Variants in DDI2 observed in about 807,000 individuals in gnomAD.
DDI2 encodes DDI proteasomal shuttling factor 2.
A neutral mutation model predicts 48.1 loss-of-function variants in DDI2; 5 were observed. The observed-to-expected ratio is 0.10, with a 90% confidence interval of 0.05 to 0.22. The LOEUF (loss-of-function observed/expected upper bound fraction) is 0.22. Ranked by LOEUF, DDI2 falls within the 10% of genes least tolerant of loss-of-function variation. The pLI is 1.00. For synonymous variants in DDI2, 205 were observed against 183.6 expected (o/e 1.12, Z -0.94); for missense variants, 285 against 506.2 (o/e 0.56, Z 4.19).
Position 15,617,870 on chromosome 1 carries a change from C to G in DDI2, c.138+62C>G, listed in dbSNP as rs924586212. On this transcript the variant is annotated intron_variant, in intron 1 of 9. Transcript: ENST00000480945. Reference sequence around the variant, plus strand: ...AAGCCCTCCCCGCCTCGGGGCCTCACTCCCTCCCTTTGCTACTGGTGAAGA... The same window carrying G: ...AAGCCCTCCCCGCCTCGGGGCCTCAGTCCCTCCCTTTGCTACTGGTGAAGA... 2.0e-5 allele frequency: 29 copies of G among 1,458,246 alleles called. No individual in the cohort carries two copies. The Admixed American group carries it at 6.4e-4, about 32-fold the overall frequency. 90.3% of individuals were successfully genotyped at this position (1,458,246 alleles called of 1,614,324 possible).
At chr1:15,651,095 C>T (rs567917237) in intron 7 of DDI2, among the ~76,000 whole-genome samples, 130 of 152,102 alleles carry the variant, frequency 8.5e-4, no homozygotes, top group African/African-American at 3.0e-3. Flanking sequence ...CCTCGTGATC[C>T]GCCCGCCTCA....
At position 15,617,478 on chromosome 1, in the gene DDI2, G is replaced by A. The variant is rs915422718; in HGVS notation, c.-193G>A. ...CAGGCAGACGGACTCGCAGGCGTGTGGCGGCGGCCGTGCTTGCTAGTGAGG... is the reference window on the plus strand; with the variant it reads ...CAGGCAGACGGACTCGCAGGCGTGTAGCGGCGGCCGTGCTTGCTAGTGAGG... On this transcript the variant is annotated 5_prime_UTR_variant, in exon 1 of 10. Transcript: ENST00000480945. The A allele has an allele frequency of 8.3e-5, 30 of 361,018 alleles. No individual in the cohort carries two copies. The highest frequency in any genetic ancestry group is 6.0e-4 in the African/African-American group (28 of 46,986). 22.4% of individuals were successfully genotyped at this position (361,018 alleles called of 1,614,324 possible).
At position 15,656,692 on chromosome 1, in the gene DDI2, A is replaced by G. The variant is rs1640278203; in HGVS notation, c.*46+13A>G. 1 of 1,613,846 alleles carries G rather than the reference A, an allele frequency of 6.2e-7. No individual in the cohort carries two copies. The highest frequency in any genetic ancestry group is 1.3e-5 in the African/African-American group (1 of 74,906). On this transcript the variant is annotated intron_variant, in intron 9 of 9. Coordinates refer to ENST00000480945, the MANE Select transcript of DDI2 (RefSeq NM_032341.5). ...GGCCCCAGACCAGGTATTTATAGAC[A>G]CCATGTTAAGCCTTCCATCCAGTTG...
intron 1 of DDI2, among the ~76,000 whole-genome samples, chr1:15,622,415 C>G (rs181446164): frequency 6.6e-6 from 1 of 152,274 alleles, no homozygotes; most frequent in East Asian, 1.9e-4. Context: ...CACCTGACCT[C>G]ATGCTTAAAA....
At chr1:15,640,562 C>A (rs561989485) in intron 5 of DDI2, among the ~76,000 whole-genome samples, 1 of 152,280 alleles carries the variant, frequency 6.6e-6, no homozygotes, top group South Asian at 2.1e-4. Flanking sequence ...CTCACTCTGA[C>A]CGAGGTGCTC....
intron 2 of DDI2, 64 bp downstream of exon 2, chr1:15,626,862 C>G: frequency 6.2e-7 from 1 of 1,601,932 alleles, no homozygotes; most frequent in Non-Finnish European, 8.5e-7. Flanking sequence ...AGCATAGCAC[C>G]TCAGAGTTTT....
intron 5 of DDI2, among the ~76,000 whole-genome samples, chr1:15,638,950 G>A (rs1223459826): frequency 6.6e-6 from 1 of 152,052 alleles, no homozygotes; most frequent in Non-Finnish European, 1.5e-5. Context: ...CCCTTATCTA[G>A]CATCCTGAAT....
In DDI2 at chr1:15,617,736, C is replaced by T. The variant is rs2103457153; in HGVS notation, c.66C>T (p.Asp22=). 6.2e-7 allele frequency: 1 copy of T among 1,610,680 alleles called. No individual in the cohort carries two copies. Among genetic ancestry groups the T allele is most frequent in the Non-Finnish European group, 8.5e-7 (1 of 1,178,870 alleles). ...AGGTGACCTTTTCCCTCCAGGTCGACGCCGACTTCGAGCTGCACAACTTCC... is the reference window on the plus strand; with the variant it reads ...AGGTGACCTTTTCCCTCCAGGTCGATGCCGACTTCGAGCTGCACAACTTCC... ...LSEVTFSLQV[D]ADFELHNFRA... The change falls in exon 1 of 10, where the codon GAC becomes GAT. Residue 22 remains aspartate (D), a synonymous_variant. Coordinates refer to ENST00000480945, the MANE Select transcript of DDI2 (RefSeq NM_032341.5).
At chr1:15,636,051 ATGAC>A (rs1457379042) in intron 4 of DDI2, among the ~76,000 whole-genome samples, 1 of 152,226 alleles carries the variant, frequency 6.6e-6, no homozygotes, top group Non-Finnish European at 1.5e-5. Flanking sequence ...TTGTTGCAAA[ATGAC>A]TGATAAAGCT....
Position 15,665,701 on chromosome 1 carries a change from G to T in DDI2, c.*5911G>T, listed in dbSNP as rs1478344787. 6.6e-6 allele frequency: 1 copy of T among 151,994 alleles called. No individual in the cohort carries two copies. The highest frequency in any genetic ancestry group is 1.5e-5 in the Non-Finnish European group (1 of 68,018). 9.4% of individuals were successfully genotyped at this position (151,994 alleles called of 1,614,324 possible). A position where few individuals can be genotyped will look rare whatever the true frequency, so the allele number is the denominator to read the frequency against. On this transcript the variant is annotated 3_prime_UTR_variant, in exon 10 of 10. Coordinates refer to ENST00000480945, the MANE Select transcript of DDI2 (RefSeq NM_032341.5). ...ACAGACGTACTCTTCACTTATGGTG[G>T]CTTTTATCCCGCCACATATATAAAT...
intron 2 of DDI2, 143 bp from the exon 3 acceptor site, chr1:15,630,182 C>T (rs1639820361): frequency 2.7e-6 from 2 of 754,580 alleles, no homozygotes; most frequent in East Asian, 2.5e-5. Context: ...TATTCAGAGT[C>T]ATCATGAGAA....
chr1:15,661,280 G>T lies in DDI2; in HGVS notation c.*1490G>T, dbSNP rs138904592. The stretch of plus-strand genomic sequence containing the variant: ...TCTAGGGAATCCATAAATAAGAACC[G>T]TTCTGTCACTGTAACCTCAGCTAAA... On this transcript the variant is annotated 3_prime_UTR_variant, in exon 10 of 10. Coordinates refer to ENST00000480945, the MANE Select transcript of DDI2 (RefSeq NM_032341.5). The T allele has an allele frequency of 6.8e-6, 11 of 1,614,072 alleles. No homozygotes were observed. The highest frequency in any genetic ancestry group is 9.3e-6 in the Non-Finnish European group (11 of 1,180,012).
chr1:15,634,776 C>T (rs753649549), intron 4 of DDI2, among the ~76,000 whole-genome samples: 2 of 152,122 alleles, frequency 1.3e-5, no homozygotes, highest in East Asian at 1.9e-4. Flanking sequence ...ACGCAATCCA[C>T]GCGCCTCAGC....
intron 6 of DDI2, among the ~76,000 whole-genome samples, chr1:15,647,054 C>T (rs1051023281): frequency 6.6e-6 from 1 of 152,022 alleles, no homozygotes; most frequent in African/African-American, 2.4e-5. Flanking sequence ...CCCAATGTCA[C>T]CATGAATTTC....
intron 1 of DDI2, among the ~76,000 whole-genome samples, chr1:15,623,387 C>CTTTTTTT (rs777821777): frequency 1.0e-4 from 11 of 107,480 alleles, no homozygotes; most frequent in South Asian, 3.2e-4. Flanking sequence ...TTTTCTTCTT[C>CTTTTTTT]TTTTTTTTTT....
In DDI2 at chr1:15,668,216, T is replaced by A. The variant is rs1226699217; in HGVS notation, c.*8426T>A. The A allele has an allele frequency of 6.6e-6, 1 of 152,202 alleles. No homozygotes were observed. Among genetic ancestry groups the A allele is most frequent in the Non-Finnish European group, 1.5e-5 (1 of 68,046 alleles). 9.4% of individuals were successfully genotyped at this position (152,202 alleles called of 1,614,324 possible). A position where few individuals can be genotyped will look rare whatever the true frequency, so the allele number is the denominator to read the frequency against. The stretch of plus-strand genomic sequence containing the variant: ...GAATGTGTCTATGGCCTAAAAATGG[T>A]AGACCTGTATTTCCTTCCCGAGGCA... On this transcript the variant is annotated 3_prime_UTR_variant, in exon 10 of 10. Transcript: ENST00000480945.
intron 1 of DDI2, among the ~76,000 whole-genome samples, chr1:15,621,504 C>A (rs1003919516): frequency 6.6e-6 from 1 of 152,020 alleles, no homozygotes; most frequent in African/African-American, 2.4e-5. Flanking sequence ...TCCACCTCAG[C>A]CTCCTAAGTA....
intron 4 of DDI2, among the ~76,000 whole-genome samples, chr1:15,637,777 C>T (rs1016556725): frequency 2.6e-5 from 4 of 152,098 alleles, no homozygotes; most frequent in Non-Finnish European, 5.9e-5. Flanking sequence ...GTTATATGAG[C>T]ACTGTATACT....
At position 15,660,129 on chromosome 1, in the gene DDI2, T is replaced by C. The variant is rs773990698; in HGVS notation, c.*339T>C. 2 of 1,614,200 alleles carry C rather than the reference T, an allele frequency of 1.2e-6. No individual in the cohort carries two copies. The highest frequency in any genetic ancestry group is 1.7e-6 in the Non-Finnish European group (2 of 1,180,038). The stretch of plus-strand genomic sequence containing the variant: ...ATCATGCTTCCTCAGCAGACCATGC[T>C]CCAACAGACCAGAGTCCAGCTATGC... On this transcript the variant is annotated 3_prime_UTR_variant, in exon 10 of 10. Transcript: ENST00000480945.
Sources: allele counts gnomAD v4.1 joint callset (sites outside exome capture counted in the v4.1 genomes callset), GRCh38; gene constraint gnomAD v4.1.1; transcripts MANE v1.5; gene names NCBI Gene and HGNC (gene_info 2026-07-23, HGNC 2026-07-21).